KCNQ1: variants seen among roughly 807,000 people sequenced by gnomAD.
KCNQ1 encodes the protein potassium voltage-gated channel subfamily Q member 1.
KCNQ1 carries 49 observed loss-of-function variants against 72.4 expected under a neutral mutation model. The ratio of observed to expected loss-of-function variants is 0.68; its 90% CI spans 0.54 to 0.86. KCNQ1 has a LOEUF of 0.86. Among genes scored for constraint, KCNQ1 ranks in the 40% least tolerant of loss-of-function variants. The probability of loss-of-function intolerance (pLI) is 0.00; values close to 1 mark genes in which losing one functional copy is unlikely to be tolerated. For synonymous variants in KCNQ1, 450 were observed against 412.6 expected, an observed-to-expected ratio of 1.09 and a Z score of -1.10; for missense variants, 790 against 945.1, an observed-to-expected ratio of 0.84 and a Z score of 2.15.
At position 2,653,776 on chromosome 11, in the gene KCNQ1, C is replaced by G. The variant is rs1339928551; in HGVS notation, c.1394-8185C>G. ...GGCCTCAGCTGGGGTACAAGCCATC[C>G]TTGGACCTGCAGCTGTACCTCCGAT... On this transcript the variant is annotated intron_variant, in intron 10 of 15. Transcript: ENST00000155840. The surrounding 1 kb of genome is among the most constrained non-coding windows in gnomAD (Gnocchi z 5.3). The G allele has an allele frequency of 2.5e-6, 1 of 398,658 alleles. No homozygotes were observed. Among genetic ancestry groups the G allele is most frequent in the Non-Finnish European group, 4.4e-6 (1 of 226,082 alleles). The allele number at this position is 398,658 out of a possible 1,614,324, so 24.7% of individuals were successfully genotyped here. A position where few individuals can be genotyped will look rare whatever the true frequency, so the allele number is the denominator to read the frequency against.
intron 1 of KCNQ1, among the ~76,000 whole-genome samples, chr11:2,476,204 T>C (rs1382570752): frequency 1.3e-5 from 2 of 152,244 alleles, no homozygotes; most frequent in East Asian, 1.9e-4. Flanking sequence ...ATTGATCATA[T>C]ACTAGACTGC....
At chr11:2,740,608 G>A (rs763280722) in intron 11 of KCNQ1, among the ~76,000 whole-genome samples, 2 of 152,204 alleles carry the variant, frequency 1.3e-5, no homozygotes, top group African/African-American at 4.8e-5. Flanking sequence ...GTTTCCTGTG[G>A]CTGCTGGAAC....
At position 2,621,201 on chromosome 11, in the gene KCNQ1, T is replaced by C. The variant is rs1451645980; in HGVS notation, c.1393+32347T>C. 3 of 397,148 alleles carry C rather than the reference T, an allele frequency of 7.6e-6. No individual in the cohort carries two copies. The highest frequency in any genetic ancestry group is 8.9e-6 in the Non-Finnish European group (2 of 225,756). 24.6% of individuals were successfully genotyped at this position (397,148 alleles called of 1,614,324 possible). On this transcript the variant is annotated intron_variant, in intron 10 of 15. Coordinates refer to ENST00000155840, the MANE Select transcript of KCNQ1 (RefSeq NM_000218.3). This position sits in a 1 kb window ranked among gnomAD's most constrained non-coding sequence, Gnocchi z 5.7. ...CCATGTTGGCCAGGATGGTCTCGAA[T>C]ACCTGACCCCAGATGATCCACGCAC...
rs975338378 is a variant in KCNQ1 at position 2,711,794 on chromosome 11, T to A, written c.1514+49713T>A. Among the ~76,000 whole-genome samples the A allele has an allele frequency of 1.3e-5, 2 of 152,204 alleles. No homozygotes were observed. The highest frequency in any genetic ancestry group is 2.9e-5 in the Non-Finnish European group (2 of 68,046). ...CAAATTTCCTTTCAACTCGAGGGTC[T>A]CAAATCCACTCAGCAGACTTAGGAG... On this transcript the variant is annotated intron_variant, in intron 11 of 15. Transcript: ENST00000155840. The surrounding 1 kb of genome is among the most constrained non-coding windows in gnomAD (Gnocchi z 5.4).
intron 10 of KCNQ1, chr11:2,630,484 C>T (rs1589991994): frequency 2.5e-6 from 1 of 398,192 alleles, no homozygotes; most frequent in East Asian, 3.6e-5. Context: ...CTTATACTTC[C>T]CCCGCTACAT....
chr11:2,846,587 C>T (rs1285664223), intron 15 of KCNQ1, among the ~76,000 whole-genome samples: 1 of 152,218 alleles, frequency 6.6e-6, no homozygotes, highest in Non-Finnish European at 1.5e-5. Flanking sequence ...CCTGGACTCC[C>T]TCACCTGCCC....
intron 1 of KCNQ1, among the ~76,000 whole-genome samples, chr11:2,456,606 C>CA (rs892917904): frequency 2.6e-5 from 4 of 151,408 alleles, no homozygotes; most frequent in Admixed American, 2.0e-4. Context: ...AATCAACAAG[C>CA]AAAAAAACAA....
Position 2,492,600 on chromosome 11 carries a change from G to C in KCNQ1, c.387-35328G>C, listed in dbSNP as rs965264146. Among the ~76,000 whole-genome samples the C allele has an allele frequency of 2.6e-5, 4 of 152,168 alleles. No homozygotes were observed. The highest frequency in any genetic ancestry group is 6.5e-5 in the Admixed American group (1 of 15,280). On this transcript the variant is annotated intron_variant, in intron 1 of 15. Transcript: ENST00000155840. The surrounding 1 kb of genome is among the most constrained non-coding windows in gnomAD (Gnocchi z 4.1). The stretch of plus-strand genomic sequence containing the variant: ...TTGTTCAACTTCCACTTATGAGTGA[G>C]AACATATGGTGTTTGGTTTTCTGTT...
At chr11:2,684,791 G>T (rs1850455722) in intron 11 of KCNQ1, 1 of 398,542 alleles carries the variant, frequency 2.5e-6, no homozygotes, top group African/African-American at 2.1e-5. Context: ...CCTCCCCACT[G>T]GTCTGGGCAC....
intron 10 of KCNQ1, chr11:2,656,338 A>C (rs1564847122): frequency 1.3e-5 from 5 of 398,536 alleles, no homozygotes; most frequent in Non-Finnish European, 2.2e-5. Flanking sequence ...TGGGTCTCCA[A>C]ATCTGCACAT....
intron 10 of KCNQ1, chr11:2,634,200 A>C: frequency 2.6e-6 from 1 of 388,468 alleles, no homozygotes; most frequent in Non-Finnish European, 4.5e-6. Flanking sequence ...TTTAAGTTCT[A>C]GGGTACATGT....
At chr11:2,832,149 G>C (rs1312785632) in intron 15 of KCNQ1, among the ~76,000 whole-genome samples, 1 of 152,082 alleles carries the variant, frequency 6.6e-6, no homozygotes, top group Non-Finnish European at 1.5e-5. Flanking sequence ...CACCAGCCCG[G>C]TCCCCACCCT....
chr11:2,555,309 CT>C (rs1336487040), intron 2 of KCNQ1, among the ~76,000 whole-genome samples: 10 of 152,344 alleles, frequency 6.6e-5, no homozygotes, highest in South Asian at 6.2e-4. Flanking sequence ...CCTTTTCCCC[CT>C]ATCCCAGTTC....
At position 2,682,819 on chromosome 11, in the gene KCNQ1, T is replaced by G; in HGVS notation, c.1514+20738T>G. 2.5e-6 allele frequency: 1 copy of G among 398,636 alleles called. No homozygotes were observed. Among genetic ancestry groups the G allele is most frequent in the Non-Finnish European group, 4.4e-6 (1 of 226,076 alleles). 24.7% of individuals were successfully genotyped at this position (398,636 alleles called of 1,614,324 possible). ...ATGCAGTGACTTGCAGTGATCCTCCTGGGGCCTTGTATAGAAGAGACCATC... is the reference window on the plus strand; with the variant it reads ...ATGCAGTGACTTGCAGTGATCCTCCGGGGGCCTTGTATAGAAGAGACCATC... On this transcript the variant is annotated intron_variant, in intron 11 of 15. Transcript: ENST00000155840. This position sits in a 1 kb window ranked among gnomAD's most constrained non-coding sequence, Gnocchi z 5.8.
At chr11:2,741,997 C>T (rs1846061398) in intron 11 of KCNQ1, among the ~76,000 whole-genome samples, 2 of 152,376 alleles carry the variant, frequency 1.3e-5, no homozygotes, top group South Asian at 2.1e-4. Context: ...CCCCAGAACT[C>T]TTGGCTCTCA....
Position 2,541,418 on chromosome 11 carries a change from G to C in KCNQ1, c.477+13400G>C, listed in dbSNP as rs572891191. On this transcript the variant is annotated intron_variant, in intron 2 of 15. Coordinates refer to ENST00000155840, the MANE Select transcript of KCNQ1 (RefSeq NM_000218.3). The surrounding 1 kb of genome is among the most constrained non-coding windows in gnomAD (Gnocchi z 4.8). ...GGGCCTGTGTCTCTTCTCACTGACCGTTTTCTGAAACTGGCTGGGGAGGGT... is the reference window on the plus strand; with the variant it reads ...GGGCCTGTGTCTCTTCTCACTGACCCTTTTCTGAAACTGGCTGGGGAGGGT... Among the ~76,000 whole-genome samples the C allele has an allele frequency of 2.0e-5, 3 of 152,248 alleles. No individual in the cohort carries two copies. The East Asian group carries it at 5.8e-4, about 30-fold the overall frequency.
Position 2,450,502 on chromosome 11 carries a change from T to C in KCNQ1, c.386+5018T>C, listed in dbSNP as rs11827153. 0.28 allele frequency among the ~76,000 whole-genome samples: 42,825 copies of C among 152,008 alleles called. 8,548 individuals are homozygous for C. The highest frequency in any genetic ancestry group is 0.55 in the African/African-American group (22,671 of 41,432). ...AGAGGGGAGGGCGGCAGCGTCTGGC[T>C]TCACTCTCGGGAGGTGCCTTGGGGC... On this transcript the variant is annotated intron_variant, in intron 1 of 15. Transcript: ENST00000155840. This position sits in a 1 kb window ranked among gnomAD's most constrained non-coding sequence, Gnocchi z 7.9.
intron 11 of KCNQ1, among the ~76,000 whole-genome samples, chr11:2,717,603 C>G (rs186143075): frequency 3.3e-5 from 5 of 152,230 alleles, no homozygotes; most frequent in Admixed American, 6.5e-5. Flanking sequence ...CACCCAGGAA[C>G]GTTCCTGTCC....
chr11:2,530,396 C>T (rs1474571176), intron 2 of KCNQ1, among the ~76,000 whole-genome samples: 2 of 152,252 alleles, frequency 1.3e-5, no homozygotes, highest in African/African-American at 4.8e-5. Context: ...TGTGGGGGGT[C>T]CCTGACCTGG....
Sources: gnomAD v4.1 joint callset for allele counts (sites outside exome capture counted in the v4.1 genomes callset) on GRCh38, gnomAD v4.1.1 for gene constraint, Gnocchi (gnomAD v3.1) non-coding constraint, MANE v1.5 for transcripts, NCBI Gene and HGNC (gene_info 2026-07-23, HGNC 2026-07-21) for gene names.